The following FHOD3 variants were observed in gnomAD, a reference collection of about 807,000 sequenced individuals.
FHOD3 encodes formin homology 2 domain containing 3.
In FHOD3, 90 loss-of-function variants were observed where a neutral mutation model predicts 173.0. That is an observed-to-expected ratio of 0.52 (90% CI 0.44 to 0.62). FHOD3 has a LOEUF of 0.62. Ranked by LOEUF, FHOD3 falls within the 20% of genes least tolerant of loss-of-function variation. The pLI is 0.00. For missense variants in FHOD3, 1,945 were observed against 2,034.7 expected (o/e 0.96, Z 0.85); for synonymous variants, 828 against 823.0 (o/e 1.01, Z -0.10).
chr18:36,388,820 G>A (rs551284794), intron 3 of FHOD3, among the ~76,000 whole-genome samples: 1 of 152,312 alleles, frequency 6.6e-6, no homozygotes, highest in South Asian at 2.1e-4. Context: ...TTTCTGTTAA[G>A]TTCATATTTT....
At chr18:36,568,830 T>C (rs1383814911) in intron 5 of FHOD3, among the ~76,000 whole-genome samples, 1 of 152,112 alleles carries the variant, frequency 6.6e-6, no homozygotes, top group Non-Finnish European at 1.5e-5. Flanking sequence ...TGGCGCGCAA[T>C]GAACTAGGAA....
chr18:36,561,425 C>A (rs1014876114), intron 5 of FHOD3, among the ~76,000 whole-genome samples: 19 of 152,144 alleles, frequency 1.2e-4, no homozygotes, highest in Admixed American at 5.2e-4. Context: ...CACAAGGAAC[C>A]ACCTCCCAGG....
At position 36,682,632 on chromosome 18, in the gene FHOD3, G is replaced by T. The variant is rs183145032; in HGVS notation, c.1970+1062G>T. Reference sequence around the variant, plus strand: ...GAGTCTCACTTTGTTGCCCAGGCTGGAGTACAGTGGCGCAATCTTGGCTCC... The same window carrying T: ...GAGTCTCACTTTGTTGCCCAGGCTGTAGTACAGTGGCGCAATCTTGGCTCC... On this transcript the variant is annotated intron_variant, in intron 15 of 28. Transcript: ENST00000590592. Among the ~76,000 whole-genome samples, 24 of 152,212 alleles carry T rather than the reference G, an allele frequency of 1.6e-4. No individual in the cohort carries two copies. In the East Asian group the frequency reaches 4.6e-3, roughly 29 times the overall value.
chr18:36,387,464 T>C (rs2048087007), intron 3 of FHOD3, among the ~76,000 whole-genome samples: 1 of 152,198 alleles, frequency 6.6e-6, no homozygotes, highest in Non-Finnish European at 1.5e-5. Context: ...CTATCATTTA[T>C]GTTACTGTAA....
chr18:36,630,240 T>C (rs2034415658), intron 10 of FHOD3, among the ~76,000 whole-genome samples: 1 of 152,224 alleles, frequency 6.6e-6, no homozygotes, highest in South Asian at 2.1e-4. Flanking sequence ...CTATAGAATA[T>C]ATTTCTAGTT....
chr18:36,364,366 C>T (rs916446210), intron 2 of FHOD3, among the ~76,000 whole-genome samples: 1 of 152,184 alleles, frequency 6.6e-6, no homozygotes, highest in Admixed American at 6.5e-5. Context: ...TGTATCTCAG[C>T]CCCTAGAAAG....
Position 36,709,253 on chromosome 18 carries a change from G to A in FHOD3, c.2395G>A (p.Ala799Thr), listed in dbSNP as rs201034295. ...QALEQEPEER[A>T]SLSEKERQNE... is the part of the protein sequence containing the mutation. The stretch of plus-strand genomic sequence containing the variant: ...ACTAGAGCAAGAGCCGGAAGAAAGA[G>A]CCTCCCTCAGTGAAAAAGAGAGGCA... Residue 799 changes from alanine (A) to threonine (T), a missense_variant, in exon 18 of 29, where the codon GCC (alanine) becomes ACC (threonine). This residue lies in a region of FHOD3 where 1,099 missense variants were observed against 1,051.2 expected (regional missense o/e 1.05). Coordinates refer to ENST00000590592, the MANE Select transcript of FHOD3 (RefSeq NM_001281740.3). The A allele has an allele frequency of 8.1e-6, 13 of 1,614,098 alleles. No individual in the cohort carries two copies. Among genetic ancestry groups the A allele is most frequent in the Non-Finnish European group, 8.5e-6 (10 of 1,180,050 alleles).
At chr18:36,704,642 G>T (rs2039769872) in intron 17 of FHOD3, among the ~76,000 whole-genome samples, 2 of 152,314 alleles carry the variant, frequency 1.3e-5, no homozygotes, top group East Asian at 3.9e-4. Context: ...GGGACACTCT[G>T]CTCCTTCCTG....
In FHOD3 at chr18:36,551,268, T is replaced by C. The variant is rs190410428; in HGVS notation, c.512-25183T>C. On this transcript the variant is annotated intron_variant, in intron 5 of 28. Coordinates refer to ENST00000590592, the MANE Select transcript of FHOD3 (RefSeq NM_001281740.3). ...ATTGTATTTTCCTTTTAATATATTGTTGGATTTGGTTGGCTAAATATTTTT... is the reference window on the plus strand; with the variant it reads ...ATTGTATTTTCCTTTTAATATATTGCTGGATTTGGTTGGCTAAATATTTTT... Among the ~76,000 whole-genome samples the C allele has an allele frequency of 2.8e-3, 423 of 152,266 alleles. 1 individual carries two copies. The highest frequency in any genetic ancestry group is 3.5e-3 in the Admixed American group (54 of 15,302).
chr18:36,550,948 G>A (rs1434457922), intron 5 of FHOD3, among the ~76,000 whole-genome samples: 1 of 152,046 alleles, frequency 6.6e-6, no homozygotes, highest in Non-Finnish European at 1.5e-5. Flanking sequence ...ATGTGGAATA[G>A]TGTTGAATAG....
chr18:36,505,448 A>G (rs542868216), intron 4 of FHOD3, among the ~76,000 whole-genome samples: 1 of 152,324 alleles, frequency 6.6e-6, no homozygotes, highest in East Asian at 1.9e-4. Flanking sequence ...ACATTGCATG[A>G]AGCTAAAAAT....
chr18:36,544,982 A>T (rs960602630), intron 5 of FHOD3, among the ~76,000 whole-genome samples: 1 of 152,344 alleles, frequency 6.6e-6, no homozygotes, highest in Admixed American at 6.5e-5. Flanking sequence ...CTCTAAAACT[A>T]GGGTAATACT....
intron 1 of FHOD3, among the ~76,000 whole-genome samples, chr18:36,301,576 A>C (rs971262497): frequency 6.6e-6 from 1 of 152,240 alleles, no homozygotes; most frequent in Non-Finnish European, 1.5e-5. Flanking sequence ...GCTAAGCAAG[A>C]CATTTAGTTT....
chr18:36,417,338 C>T (rs111662145), intron 3 of FHOD3, among the ~76,000 whole-genome samples: 2 of 152,154 alleles, frequency 1.3e-5, no homozygotes, highest in African/African-American at 2.4e-5. Context: ...TCTGTTCCTG[C>T]ATTAGTTTGC....
At chr18:36,480,934 A>T (rs1431256270) in intron 3 of FHOD3, among the ~76,000 whole-genome samples, 2 of 150,254 alleles carry the variant, frequency 1.3e-5, no homozygotes, top group Non-Finnish European at 2.9e-5. Context: ...TTAGGAAAGC[A>T]TTCATGTTCT....
intron 1 of FHOD3, among the ~76,000 whole-genome samples, chr18:36,350,400 A>T (rs1264917339): frequency 1.3e-5 from 2 of 152,126 alleles, no homozygotes; most frequent in African/African-American, 4.8e-5. Context: ...CACTGCCCCT[A>T]AATTTCCTTA....
Position 36,718,706 on chromosome 18 carries a change from T to A in FHOD3, c.3408T>A (p.Ser1136=). 6.2e-7 allele frequency: 1 copy of A among 1,612,656 alleles called. No individual in the cohort carries two copies. Among genetic ancestry groups the A allele is most frequent in the Non-Finnish European group, 8.5e-7 (1 of 1,178,984 alleles). The part of the protein sequence containing the change: ...HLFESKSKEL[S]VSKKTAADGK... ...TTGAGTCTAAATCCAAGGAACTGTC[T>A]GTCTCAAAGGTACTGCTAGTCTTCA... Residue 1136 remains serine (S), a synonymous_variant, in exon 19 of 29, where the codon TCT becomes TCA. Transcript: ENST00000590592.
chr18:36,502,529 A>G (rs1414523082), intron 4 of FHOD3, among the ~76,000 whole-genome samples: 1 of 152,160 alleles, frequency 6.6e-6, no homozygotes, highest in East Asian at 1.9e-4. Flanking sequence ...TTTTCTGAGA[A>G]TGATGGTTTC....
chr18:36,548,739 C>T lies in FHOD3; in HGVS notation c.512-27712C>T, dbSNP rs944884715. On this transcript the variant is annotated intron_variant, in intron 5 of 28. Coordinates refer to ENST00000590592, the MANE Select transcript of FHOD3 (RefSeq NM_001281740.3). The stretch of plus-strand genomic sequence containing the variant: ...TTTCACTCAGCATACTTCTTTCACA[C>T]GTCGCATGGTCTTCATAGTTCATTC... Among the ~76,000 whole-genome samples, 11 of 152,212 alleles carry T rather than the reference C, an allele frequency of 7.2e-5. No individual in the cohort carries two copies. The East Asian group carries it at 7.7e-4, about 11-fold the overall frequency.
Sources: allele counts gnomAD v4.1 joint callset (sites outside exome capture counted in the v4.1 genomes callset), GRCh38; gene constraint gnomAD v4.1.1; regional missense constraint gnomAD v4.1.1; transcripts MANE v1.5; gene names NCBI Gene and HGNC (gene_info 2026-07-23, HGNC 2026-07-21).